MCM9: variants seen among roughly 807,000 people sequenced by gnomAD.
The protein encoded by MCM9 is DNA helicase MCM9.
Under a neutral mutation model 72.8 loss-of-function variants are expected in MCM9, and 55 were observed. The ratio of observed to expected loss-of-function variants is 0.76; its 90% CI spans 0.61 to 0.95. MCM9 has a LOEUF of 0.95. Among genes scored for constraint, MCM9 ranks in the 40% least tolerant of loss-of-function variants. MCM9 has a pLI of 0.00. For synonymous variants in MCM9, 480 were observed against 503.4 expected, an observed-to-expected ratio of 0.95 and a Z score of 0.62; for missense variants, 1,279 against 1,377.0, an observed-to-expected ratio of 0.93 and a Z score of 1.13.
rs148521032 is a variant in MCM9, at chr6:118,862,326, C to T, written c.1151-5781G>A. Among the ~76,000 whole-genome samples, 997 of 152,296 alleles carry T rather than the reference C, an allele frequency of 6.5e-3. 7 individuals are homozygous for T. Among genetic ancestry groups the T allele is most frequent in the African/African-American group, 0.022 (927 of 41,562 alleles). On this transcript the variant is annotated intron_variant, in intron 8 of 13. Coordinates refer to ENST00000619706, the MANE Select transcript of MCM9 (RefSeq NM_017696.3). ...GCCCCTGCCAGCTCCATGGAGCGTA[C>T]AGCCCTGGCCACACCTCCCACACTG...
intron 1 of MCM9, among the ~76,000 whole-genome samples, chr6:118,933,237 C>T (rs1170870052): frequency 1.3e-5 from 2 of 152,084 alleles, no homozygotes; most frequent in African/African-American, 2.4e-5. Context: ...CAGTGGCTCA[C>T]GCCTGTAATC....
At chr6:118,930,180 G>A (rs141311693) in intron 3 of MCM9, among the ~76,000 whole-genome samples, 10,127 of 151,918 alleles carry the variant, frequency 0.067, 487 homozygotes, top group East Asian at 0.19. Context: ...GCGCGATCTC[G>A]GCTCACTGCA....
chr6:118,903,111 A>T (rs1386602872), intron 8 of MCM9, among the ~76,000 whole-genome samples: 1 of 151,338 alleles, frequency 6.6e-6, no homozygotes, highest in Non-Finnish European at 1.5e-5. Context: ...TTTACAACAG[A>T]TTTTAAAACA....
At chr6:118,920,597 G>A (rs147377650) in intron 5 of MCM9, 1 of 152,362 alleles carries the variant, frequency 6.6e-6, no homozygotes, top group East Asian at 1.9e-4. Context: ...CCCTTTTGGT[G>A]ATAAAGGAGC....
At chr6:118,883,852 A>G (rs142134876) in intron 8 of MCM9, among the ~76,000 whole-genome samples, 1,582 of 152,348 alleles carry the variant, frequency 0.01, 30 homozygotes, top group African/African-American at 0.036. Flanking sequence ...TCTTTAAGCC[A>G]AAAGCAAATC....
rs146361287 is a variant in MCM9 at position 118,839,069 on chromosome 6, G to A, written c.1326-9819C>T. On this transcript the variant is annotated intron_variant, in intron 9 of 13. Transcript: ENST00000619706. ...TCACTTTCAGGTACACCAATCAATC[G>A]TAGGTTTGGTCTTTTCATATAGTCC... 6.6e-3 allele frequency among the ~76,000 whole-genome samples: 1,001 copies of A among 152,168 alleles called. 7 individuals carry two copies. Among genetic ancestry groups the A allele is most frequent in the African/African-American group, 0.022 (927 of 41,516 alleles).
chr6:118,826,262 G>A lies in MCM9; in HGVS notation c.1846C>T (p.Leu616Phe). Residue 616 changes from leucine (L) to phenylalanine (F), a missense_variant, in exon 13 of 14, where the codon CTC (leucine) becomes TTC (phenylalanine). By Grantham distance (22) the Leu-to-Phe change is conservative. Transcript: ENST00000619706. ...GGGTTTTCAGGAAAGGAAGTGTGGA[G>A]GGCATTCACACCTCCTAGCAGTGCA... ...GGALLGGVNA[L>F]HTSFPENPGE... is the part of the protein sequence containing the mutation. 1 of 1,550,330 alleles carries A rather than the reference G, an allele frequency of 6.5e-7. No individual in the cohort carries two copies. Among genetic ancestry groups the A allele is most frequent in the Non-Finnish European group, 8.7e-7 (1 of 1,146,910 alleles).
chr6:118,853,645 A>G (rs1241285730), intron 9 of MCM9, among the ~76,000 whole-genome samples: 2 of 152,090 alleles, frequency 1.3e-5, no homozygotes, highest in Non-Finnish European at 2.9e-5. Context: ...ACAGAAAATA[A>G]AATTTAAAAA....
rs376804409 is a variant in MCM9, at chr6:118,875,163, A to T, written c.1151-18618T>A. On this transcript the variant is annotated intron_variant, in intron 8 of 13. Transcript: ENST00000619706. ...ACCATTTACATTAGTCCCCCTCAAA[A>T]TGAAATGGGTATAAATGAATGAAAT... Among the ~76,000 whole-genome samples the T allele has an allele frequency of 6.6e-5, 10 of 152,200 alleles. 1 individual carries two copies. Among genetic ancestry groups the T allele is most frequent in the South Asian group, 6.2e-4 (3 of 4,834 alleles).
chr6:118,815,295 CTG>C lies in MCM9; in HGVS notation c.2959_2960del (p.Gln987GlyfsTer2). ...TPGNQISSQP[Q>X]GETKEVSQQP... ...GCTGCGACACCTCCTTTGTCTCACC[CTG>C]TGGCTGACTGGAGATCTGGTTTCCT... is the stretch of plus-strand genomic sequence containing the variant. On this transcript the variant is annotated frameshift_variant, in exon 14 of 14. Transcript: ENST00000619706. LOFTEE classifies it low-confidence loss of function (END_TRUNC). 6.4e-7 allele frequency: 1 copy of C among 1,550,686 alleles called. No homozygotes were observed.
At position 118,876,041 on chromosome 6, in the gene MCM9, A is replaced by G. The variant is rs890651159; in HGVS notation, c.1151-19496T>C. On this transcript the variant is annotated intron_variant, in intron 8 of 13. Transcript: ENST00000619706. ...TACATCAGACAATAAAATATCATTC[A>G]TTGTTAAACACAAATGAGCTATCAG... Among the ~76,000 whole-genome samples, 8 of 152,340 alleles carry G rather than the reference A, an allele frequency of 5.3e-5. 1 individual carries two copies. In the East Asian group the frequency reaches 1.3e-3, roughly 26 times the overall value.
intron 1 of MCM9, among the ~76,000 whole-genome samples, chr6:118,933,648 G>A (rs1313793556): frequency 6.6e-6 from 1 of 152,152 alleles, no homozygotes; most frequent in South Asian, 2.1e-4. Flanking sequence ...AAAGGAGACT[G>A]CTATAAAGTT....
chr6:118,930,458 T>C (rs780032500), intron 3 of MCM9, among the ~76,000 whole-genome samples: 6 of 152,256 alleles, frequency 3.9e-5, no homozygotes, highest in African/African-American at 2.4e-5. Flanking sequence ...TTCTCCAACT[T>C]AATCACAGAC....
In MCM9 at chr6:118,889,116, CT is replaced by C. The variant is rs1778788616; in HGVS notation, c.1150+22533del. On this transcript the variant is annotated intron_variant, in intron 8 of 13. Coordinates refer to ENST00000619706, the MANE Select transcript of MCM9 (RefSeq NM_017696.3). The stretch of plus-strand genomic sequence containing the variant: ...CAAAGCTGTTACCTGAAAAATATTA[CT>C]GTGTAATCATACCAGGGGGTACTTA... Among the ~76,000 whole-genome samples, 3 of 152,252 alleles carry C rather than the reference CT, an allele frequency of 2.0e-5. No individual in the cohort carries two copies. The East Asian group carries it at 5.8e-4, about 29-fold the overall frequency.
intron 8 of MCM9, among the ~76,000 whole-genome samples, chr6:118,876,395 T>C (rs1777933696): frequency 6.6e-6 from 1 of 152,184 alleles, no homozygotes; most frequent in Non-Finnish European, 1.5e-5. Flanking sequence ...TGGGTAGCAA[T>C]GATGTGTCAT....
At chr6:118,826,363 C>T (rs1246786570) in intron 12 of MCM9, 71 bp from the exon 13 acceptor site, 4 of 1,461,580 alleles carry the variant, frequency 2.7e-6, no homozygotes, top group Non-Finnish European at 3.6e-6. Flanking sequence ...CTCTAGGGAC[C>T]AGCAATCCCC....
At chr6:118,898,338 G>A (rs779096417) in intron 8 of MCM9, among the ~76,000 whole-genome samples, 3 of 151,694 alleles carry the variant, frequency 2.0e-5, no homozygotes, top group Non-Finnish European at 4.4e-5. Flanking sequence ...CCACAAATGC[G>A]AATTTATACC....
At chr6:118,872,315 T>C (rs532657102) in intron 8 of MCM9, among the ~76,000 whole-genome samples, 76 of 74,294 alleles carry the variant, frequency 1.0e-3, no homozygotes, top group African/African-American at 2.7e-3. Flanking sequence ...CAAGACTCCA[T>C]CTCAAAAAAA....
chr6:118,896,087 A>G (rs1042060665), intron 8 of MCM9, among the ~76,000 whole-genome samples: 1 of 150,904 alleles, frequency 6.6e-6, no homozygotes, highest in African/African-American at 2.4e-5. Flanking sequence ...ATGCACATAC[A>G]TATATAGGGC....
Sources: gnomAD v4.1 joint callset for allele counts (sites outside exome capture counted in the v4.1 genomes callset) on GRCh38, gnomAD v4.1.1 for gene constraint, MANE v1.5 for transcripts, NCBI Gene and HGNC (gene_info 2026-07-23, HGNC 2026-07-21) for gene names.